ZC3H4: variants seen among roughly 807,000 people sequenced by gnomAD.
ZC3H4 encodes the protein zinc finger CCCH domain-containing protein 4.
ZC3H4 carries 13 observed loss-of-function variants against 108.3 expected under a neutral mutation model. The ratio of observed to expected loss-of-function variants is 0.12; its 90% CI spans 0.08 to 0.19. The LOEUF is 0.19. Ranked by LOEUF, ZC3H4 falls within the 10% of genes least tolerant of loss-of-function variation. The pLI is 1.00. For synonymous variants in ZC3H4, 917 were observed against 749.6 expected (o/e 1.22, Z -3.65); for missense variants, 1,734 against 1,838.8 (o/e 0.94, Z 1.04).
Position 47,094,054 on chromosome 19 carries a change from G to T in ZC3H4, c.408C>A (p.Phe136Leu), listed in dbSNP as rs774340043. 1 of 1,614,212 alleles carries T rather than the reference G, an allele frequency of 6.2e-7. No individual in the cohort carries two copies. Among genetic ancestry groups the T allele is most frequent in the East Asian group, 2.2e-5 (1 of 44,880 alleles). Residue 136 changes from phenylalanine to leucine, a missense_variant, in exon 4 of 15, where the codon TTC becomes TTA. Physicochemically the swap from Phe to Leu is conservative, Grantham distance 22 (BLOSUM62 0). This residue lies in a region of ZC3H4 where 403 missense variants were observed against 457.0 expected (regional missense o/e 0.88). Transcript: ENST00000253048. ...AATCCGAGTCATCTGAGAAGTCAGA[G>T]AAGTCATCGCTAGAAGAAGCATGGC... ...HKRHASSSDDFSDFSDDSDFS... is the reference protein window; with the variant it reads ...HKRHASSSDDLSDFSDDSDFS...
intron 2 of ZC3H4, chr19:47,112,114 A>C: frequency 9.5e-7 from 1 of 1,057,564 alleles, no homozygotes; most frequent in East Asian, 6.5e-5. Context: ...GGACAGGCGG[A>C]CGGGCGCGGG....
intron 13 of ZC3H4, among the ~76,000 whole-genome samples, chr19:47,070,214 G>T (rs1312140547): frequency 6.6e-6 from 1 of 152,192 alleles, no homozygotes; most frequent in Non-Finnish European, 1.5e-5. Flanking sequence ...AGGGCAACAT[G>T]TGGCCGCCTA....
At chr19:47,105,741 T>G (rs1568568949) in intron 2 of ZC3H4, among the ~76,000 whole-genome samples, 5 of 152,246 alleles carry the variant, frequency 3.3e-5, no homozygotes. Flanking sequence ...CACATCTGCT[T>G]CTTTGCATTT....
intron 2 of ZC3H4, 128 bp downstream of exon 2, chr19:47,112,296 C>T: frequency 8.9e-7 from 1 of 1,128,542 alleles, no homozygotes; most frequent in East Asian, 3.2e-5. Flanking sequence ...CCCACCGACC[C>T]CGCCCTTCCT....
chr19:47,105,123 A>T (rs972759750), intron 2 of ZC3H4, among the ~76,000 whole-genome samples: 1 of 152,178 alleles, frequency 6.6e-6, no homozygotes, highest in Non-Finnish European at 1.5e-5. Flanking sequence ...TTTAAATGGA[A>T]TATCTATATT....
chr19:47,092,812 G>A (rs898291333), intron 4 of ZC3H4, among the ~76,000 whole-genome samples: 13 of 124,058 alleles, frequency 1.0e-4, no homozygotes, highest in African/African-American at 2.7e-4. Flanking sequence ...GCAAGACTCC[G>A]TCTCAATAAA....
rs200694630 is a variant in ZC3H4, at chr19:47,066,461, G to A, written c.3807C>T (p.Ser1269=). The A allele has an allele frequency of 8.5e-5, 135 of 1,580,420 alleles. 1 individual carries two copies. In the African/African-American group the frequency reaches 1.3e-3, roughly 15 times the overall value. ...GGGCCGGACTGTTCCCAGCAAATGG[G>A]CTTCCTGAGCCCGTCTTGGGTGTCT... ...VKQTPKTGSG[S]PFAGNSPARE... The change falls in exon 15 of 15, where the codon AGC becomes AGT. Residue 1269 remains serine, a synonymous_variant. Coordinates refer to ENST00000253048, the MANE Select transcript of ZC3H4 (RefSeq NM_015168.2).
chr19:47,075,156 TGGA>T (rs1457182580), intron 11 of ZC3H4, among the ~76,000 whole-genome samples: 4 of 152,084 alleles, frequency 2.6e-5, no homozygotes, highest in Admixed American at 2.6e-4. Context: ...TGTGGCTTCA[TGGA>T]GGAGGTGTGG....
At chr19:47,102,550 G>A (rs1334005537) in intron 2 of ZC3H4, among the ~76,000 whole-genome samples, 1 of 152,124 alleles carries the variant, frequency 6.6e-6, no homozygotes, top group Admixed American at 6.5e-5. Context: ...TCCCCAGGAT[G>A]GTGTCATGGG....
intron 2 of ZC3H4, among the ~76,000 whole-genome samples, chr19:47,103,329 G>A (rs1215332230): frequency 2.6e-5 from 4 of 151,996 alleles, no homozygotes; most frequent in African/African-American, 9.7e-5. Context: ...TCTACACAGG[G>A]TCTTGCTCTG....
intron 11 of ZC3H4, among the ~76,000 whole-genome samples, chr19:47,079,347 GA>G (rs1022906556): frequency 4.2e-5 from 6 of 142,448 alleles, no homozygotes; most frequent in Admixed American, 7.0e-5. Flanking sequence ...CTTCAAAAAA[GA>G]AAAAAAAAGT....
At chr19:47,113,398 G>T (rs1377453215) in intron 1 of ZC3H4, 1 of 152,694 alleles carries the variant, frequency 6.5e-6, no homozygotes, top group East Asian at 1.9e-4. Context: ...AAACCTAGGG[G>T]AGCCATAAAT....
At chr19:47,090,527 GGGGCTGCTT>G (rs530921521) in intron 4 of ZC3H4, among the ~76,000 whole-genome samples, 2 of 152,190 alleles carry the variant, frequency 1.3e-5, no homozygotes, top group Non-Finnish European at 2.9e-5. Flanking sequence ...GAAGCAGGCG[GGGGCTGCTT>G]GGTCACAATT....
Position 47,072,049 on chromosome 19 carries a change from G to T in ZC3H4, c.1875C>A (p.Gly625=). 4 of 1,583,580 alleles carry T rather than the reference G, an allele frequency of 2.5e-6. No homozygotes were observed. Among genetic ancestry groups the T allele is most frequent in the Non-Finnish European group, 3.4e-6 (4 of 1,164,590 alleles). The part of the protein sequence containing the change: ...GPNMGPPGPM[G]GPMHPDMHPD... ...GGTGCATGTCAGGATGCATTGGACC[G>T]CCCATTGGCCCTGGGGGTCCCATGT... Residue 625 remains glycine, a synonymous_variant, in exon 13 of 15, where the codon GGC becomes GGA. Coordinates refer to ENST00000253048, the MANE Select transcript of ZC3H4 (RefSeq NM_015168.2). This position sits in a 1 kb window ranked among gnomAD's most constrained non-coding sequence, Gnocchi z 5.6.
Position 47,066,116 on chromosome 19 carries a change from G to A in ZC3H4, c.*240C>T. The A allele has an allele frequency of 2.6e-6, 1 of 381,102 alleles. No homozygotes were observed. The highest frequency in any genetic ancestry group is 8.8e-5 in the South Asian group (1 of 11,302). 23.6% of individuals were successfully genotyped at this position (381,102 alleles called of 1,614,324 possible). On this transcript the variant is annotated 3_prime_UTR_variant, in exon 15 of 15. Transcript: ENST00000253048. ...CAGGTTTGCGGGCATGAGTCGGTTT[G>A]CTCAGCAGGAGCCCCTGAGCCCGCC...
At chr19:47,103,642 G>A (rs919686839) in intron 2 of ZC3H4, among the ~76,000 whole-genome samples, 3 of 151,592 alleles carry the variant, frequency 2.0e-5, no homozygotes, top group African/African-American at 4.9e-5. Context: ...AAATCAGCCC[G>A]TTGGCCGGGC....
rs8111597 is a variant in ZC3H4 at position 47,065,795 on chromosome 19, T to A, written c.*561A>T. 1,471 of 152,626 alleles carry A rather than the reference T, an allele frequency of 9.6e-3. 20 individuals are homozygous for A. The highest frequency in any genetic ancestry group is 0.033 in the African/African-American group (1,383 of 41,582). The allele number at this position is 152,626 out of a possible 1,614,324, so 9.5% of individuals were successfully genotyped here. A position where few individuals can be genotyped will look rare whatever the true frequency, so the allele number is the denominator to read the frequency against. ...TGGGGGCTTTTTCCTTAATACCTTT[T>A]CACTCTCACTGTCTCCTGAGTGGGT... On this transcript the variant is annotated 3_prime_UTR_variant, in exon 15 of 15. Coordinates refer to ENST00000253048, the MANE Select transcript of ZC3H4 (RefSeq NM_015168.2).
chr19:47,087,576 T>C (rs2057653877), intron 5 of ZC3H4, among the ~76,000 whole-genome samples: 1 of 151,764 alleles, frequency 6.6e-6, no homozygotes, highest in Admixed American at 6.6e-5. Context: ...CCCTCATCTC[T>C]ACTAAAAATA....
intron 11 of ZC3H4, among the ~76,000 whole-genome samples, chr19:47,076,357 A>C (rs1430893273): frequency 6.6e-6 from 1 of 152,184 alleles, no homozygotes; most frequent in Non-Finnish European, 1.5e-5. Context: ...TCACACTCTT[A>C]AAGCCTGTTT....
Sources: gnomAD v4.1 joint callset for allele counts (sites outside exome capture counted in the v4.1 genomes callset) on GRCh38, gnomAD v4.1.1 for gene constraint, gnomAD v4.1.1 regional missense constraint, Gnocchi (gnomAD v3.1) non-coding constraint, MANE v1.5 for transcripts, NCBI Gene and HGNC (gene_info 2026-07-23, HGNC 2026-07-21) for gene names.